The following FSTL5 variants were observed in gnomAD, a reference collection of about 807,000 sequenced individuals.
FSTL5 encodes follistatin-related protein 5.
In FSTL5, 62 loss-of-function variants were observed where a neutral mutation model predicts 89.1. The observed-to-expected ratio is 0.70, with a 90% CI of 0.57 to 0.86. FSTL5 has a LOEUF of 0.86. FSTL5 is among the 40% of genes least tolerant of loss of function. FSTL5 has a pLI of 0.00. For missense variants in FSTL5, 1,057 were observed against 1,001.6 expected, an observed-to-expected ratio of 1.06 and a Z score of -0.75; for synonymous variants, 383 against 346.2, an observed-to-expected ratio of 1.11 and a Z score of -1.18.
intron 4 of FSTL5, among the ~76,000 whole-genome samples, chr4:161,878,423 T>C (rs1002484243): frequency 6.6e-6 from 1 of 152,176 alleles, no homozygotes; most frequent in Non-Finnish European, 1.5e-5. Context: ...TAATAGTCTA[T>C]GTAATTTCAT....
At chr4:162,025,700 G>C (rs1381216321) in intron 3 of FSTL5, among the ~76,000 whole-genome samples, 4 of 151,828 alleles carry the variant, frequency 2.6e-5, no homozygotes, top group Non-Finnish European at 1.5e-5. Context: ...CCCATGTAAT[G>C]AGTTGCAACT....
intron 15 of FSTL5, among the ~76,000 whole-genome samples, chr4:161,403,768 A>G (rs1731265181): frequency 6.6e-6 from 1 of 152,240 alleles, no homozygotes; most frequent in Non-Finnish European, 1.5e-5. Context: ...AGATTTCACT[A>G]AATGACACCA....
chr4:161,564,577 C>A (rs1009058784), intron 8 of FSTL5, among the ~76,000 whole-genome samples: 2 of 151,064 alleles, frequency 1.3e-5, no homozygotes, highest in Admixed American at 1.3e-4. Context: ...TTTACTATTT[C>A]CTTGACATAG....
intron 7 of FSTL5, among the ~76,000 whole-genome samples, chr4:161,631,274 T>C (rs1735497625): frequency 6.6e-6 from 1 of 152,194 alleles, no homozygotes; most frequent in Non-Finnish European, 1.5e-5. Flanking sequence ...AGAATAAAGT[T>C]TGAATTTCAT....
intron 4 of FSTL5, among the ~76,000 whole-genome samples, chr4:161,911,637 T>C (rs993721012): frequency 5.9e-5 from 9 of 152,316 alleles, no homozygotes; most frequent in African/African-American, 1.4e-4. Flanking sequence ...GCTGACCACA[T>C]AGCAGTCAAT....
intron 15 of FSTL5, among the ~76,000 whole-genome samples, chr4:161,434,735 C>T (rs1732494529): frequency 3.3e-5 from 5 of 151,332 alleles, no homozygotes; most frequent in African/African-American, 7.3e-5. Flanking sequence ...AAAAAAAAAT[C>T]TAATAATCCA....
At chr4:161,499,912 A>G in intron 12 of FSTL5, 104 bp downstream of exon 12, 1 of 679,742 alleles carries the variant, frequency 1.5e-6, no homozygotes, top group Non-Finnish European at 2.6e-6. Flanking sequence ...ATTTTCTTCC[A>G]ACACGAGTCT....
At chr4:161,507,652 A>C (rs1212681995) in intron 11 of FSTL5, among the ~76,000 whole-genome samples, 2 of 151,870 alleles carry the variant, frequency 1.3e-5, no homozygotes, top group African/African-American at 2.4e-5. Context: ...GATGAGTAGA[A>C]AGCTGAAAGT....
At chr4:161,895,146 T>C (rs1579175127) in intron 4 of FSTL5, among the ~76,000 whole-genome samples, 1 of 152,180 alleles carries the variant, frequency 6.6e-6, no homozygotes, top group Non-Finnish European at 1.5e-5. Context: ...AGCTAATAAG[T>C]AGCAGGAACA....
chr4:161,501,693 C>T (rs1730298953), intron 11 of FSTL5, among the ~76,000 whole-genome samples: 2 of 151,780 alleles, frequency 1.3e-5, no homozygotes, highest in Admixed American at 6.6e-5. Flanking sequence ...TATTCCTGAA[C>T]AGAAGCAGAA....
chr4:161,454,911 G>A, intron 15 of FSTL5, 93 bp downstream of exon 15: 2 of 1,194,142 alleles, frequency 1.7e-6, no homozygotes, highest in Non-Finnish European at 2.4e-6. Flanking sequence ...ATGTGTATTT[G>A]TTTCATATCT....
chr4:161,418,939 G>T (rs1321900270), intron 15 of FSTL5, among the ~76,000 whole-genome samples: 1 of 152,192 alleles, frequency 6.6e-6, no homozygotes, highest in African/African-American at 2.4e-5. Flanking sequence ...AGCTCCTTGA[G>T]ATATAAGTCT....
chr4:161,749,569 G>A (rs542280145), intron 6 of FSTL5, among the ~76,000 whole-genome samples: 4 of 151,996 alleles, frequency 2.6e-5, no homozygotes, highest in Non-Finnish European at 4.4e-5. Context: ...AGGCTGAGGC[G>A]GGCGGATCCC....
chr4:161,428,809 C>G (rs76684662), intron 15 of FSTL5, among the ~76,000 whole-genome samples: 7,251 of 152,088 alleles, frequency 0.048, 443 homozygotes, highest in East Asian at 0.19. Context: ...AGCTGTGGTG[C>G]CTACAGGGAG....
intron 3 of FSTL5, among the ~76,000 whole-genome samples, chr4:161,944,434 C>T (rs1408690124): frequency 1.3e-5 from 2 of 151,846 alleles, no homozygotes; most frequent in African/African-American, 4.8e-5. Context: ...ACATAGTTCA[C>T]ATCATAAAAA....
Position 161,971,851 on chromosome 4 carries a change from T to G in FSTL5, c.161-51199A>C, listed in dbSNP as rs17041804. ...ATCTTTTCTCCAGTTGATTGTAGGGTATTGAAATTATTCTCTCATTTTTAC... is the reference window on the plus strand; with the variant it reads ...ATCTTTTCTCCAGTTGATTGTAGGGGATTGAAATTATTCTCTCATTTTTAC... On this transcript the variant is annotated intron_variant, in intron 3 of 15. Coordinates refer to ENST00000306100, the MANE Select transcript of FSTL5 (RefSeq NM_020116.5). Among the ~76,000 whole-genome samples the G allele has an allele frequency of 9.9e-3, 1,509 of 152,216 alleles. 23 individuals are homozygous for G. Among genetic ancestry groups the G allele is most frequent in the African/African-American group, 0.034 (1,410 of 41,514 alleles).
chr4:161,499,925 T>C (rs1730237380), intron 12 of FSTL5, 91 bp downstream of exon 12: 1 of 738,722 alleles, frequency 1.4e-6, no homozygotes, highest in Non-Finnish European at 2.4e-6. Context: ...ACGAGTCTCA[T>C]ATATGTATAG....
intron 6 of FSTL5, among the ~76,000 whole-genome samples, chr4:161,694,842 C>CTTTTTTT (rs34276732): frequency 9.4e-6 from 1 of 106,196 alleles, no homozygotes; most frequent in Non-Finnish European, 1.8e-5. Context: ...TTCTAAATGC[C>CTTTTTTT]TTTTTTTTTT....
At chr4:161,578,957 C>T (rs989044576) in intron 8 of FSTL5, among the ~76,000 whole-genome samples, 1 of 152,002 alleles carries the variant, frequency 6.6e-6, no homozygotes, top group African/African-American at 2.4e-5. Context: ...CAGGAGCAGA[C>T]CTGAACTTCA....
Sources: allele counts gnomAD v4.1 joint callset (sites outside exome capture counted in the v4.1 genomes callset), GRCh38; gene constraint gnomAD v4.1.1; transcripts MANE v1.5; gene names NCBI Gene and HGNC (gene_info 2026-07-23, HGNC 2026-07-21).